PRKCE: variants seen among roughly 807,000 people sequenced by gnomAD.
PRKCE encodes the protein protein kinase C epsilon type.
PRKCE carries 16 observed loss-of-function variants against 85.4 expected under a neutral mutation model. The ratio of observed to expected loss-of-function variants is 0.19; its 90% confidence interval spans 0.13 to 0.28. The LOEUF (loss-of-function observed/expected upper bound fraction) is 0.28. Among genes scored for constraint, PRKCE ranks in the 10% least tolerant of loss-of-function variants. The pLI, the probability that PRKCE is intolerant of heterozygous loss-of-function variation, is 1.00. For synonymous variants in PRKCE, 388 were observed against 371.5 expected, an observed-to-expected ratio of 1.04 and a Z score of -0.51; for missense variants, 573 against 975.2, an observed-to-expected ratio of 0.59 and a Z score of 5.49.
Position 46,114,531 on chromosome 2 carries a change from C to T in PRKCE, c.1592+28169C>T, listed in dbSNP as rs191533947. 1.1e-3 allele frequency among the ~76,000 whole-genome samples: 172 copies of T among 150,410 alleles called. No individual in the cohort carries two copies. The East Asian group carries it at 0.013, about 11-fold the overall frequency. The stretch of plus-strand genomic sequence containing the variant: ...CTCCCAGGTTCACGCCATTCTCCCG[C>T]GTCAGCCTCCTGAGTAGCTGGGACT... On this transcript the variant is annotated intron_variant, in intron 11 of 14. Coordinates refer to ENST00000306156, the MANE Select transcript of PRKCE (RefSeq NM_005400.3).
At chr2:46,022,905 A>T (rs1325868174) in intron 10 of PRKCE, among the ~76,000 whole-genome samples, 1 of 151,358 alleles carries the variant, frequency 6.6e-6, no homozygotes, top group Non-Finnish European at 1.5e-5. Context: ...AACAAGGTGA[A>T]ATCCCGTCTC....
Position 45,703,298 on chromosome 2 carries a change from C to G in PRKCE, c.348+50850C>G, listed in dbSNP as rs577739850. Among the ~76,000 whole-genome samples the G allele has an allele frequency of 2.6e-5, 4 of 151,952 alleles. 1 individual carries two copies. In the South Asian group the frequency reaches 8.3e-4, roughly 32 times the overall value. On this transcript the variant is annotated intron_variant, in intron 1 of 14. Transcript: ENST00000306156. ...ATCTGTATTCCTAGCACTTTGGGAGCCTGAGGCAGGAGGATCACTTGAGGC... is the reference window on the plus strand; with the variant it reads ...ATCTGTATTCCTAGCACTTTGGGAGGCTGAGGCAGGAGGATCACTTGAGGC...
intron 1 of PRKCE, among the ~76,000 whole-genome samples, chr2:45,809,658 C>T (rs1055674739): frequency 8.6e-5 from 13 of 150,592 alleles, no homozygotes; most frequent in African/African-American, 2.9e-4. Context: ...CTGAGGTGGG[C>T]GGATCACCTG....
At chr2:46,085,736 G>GTTTTTTTTTTCT (rs1669546078) in intron 10 of PRKCE, among the ~76,000 whole-genome samples, 2 of 104,564 alleles carry the variant, frequency 1.9e-5, no homozygotes, top group African/African-American at 4.4e-5. Context: ...TGCAAAATCC[G>GTTTTTTTTTTCT]TTTTTTTTTT....
At chr2:45,950,033 A>G (rs1040484195) in intron 2 of PRKCE, among the ~76,000 whole-genome samples, 5 of 152,176 alleles carry the variant, frequency 3.3e-5, no homozygotes, top group African/African-American at 1.2e-4. Context: ...TTGAAAATGC[A>G]TTAATTTTTG....
At chr2:45,713,106 T>A (rs1003559166) in intron 1 of PRKCE, among the ~76,000 whole-genome samples, 1 of 152,212 alleles carries the variant, frequency 6.6e-6, no homozygotes, top group Non-Finnish European at 1.5e-5. Flanking sequence ...CTTATCTCCC[T>A]GGGCCTCAGT....
At chr2:45,962,198 G>A (rs1701430121) in intron 2 of PRKCE, among the ~76,000 whole-genome samples, 1 of 152,192 alleles carries the variant, frequency 6.6e-6, no homozygotes, top group African/African-American at 2.4e-5. Context: ...GCAAGGTGTA[G>A]GATGGAAGGT....
At chr2:45,839,370 G>A (rs1691162988) in intron 1 of PRKCE, among the ~76,000 whole-genome samples, 5 of 97,536 alleles carry the variant, frequency 5.1e-5, no homozygotes, top group Non-Finnish European at 1.1e-4. Flanking sequence ...TGGAGGGGTA[G>A]CCAAGGCACC....
In PRKCE at chr2:46,047,235, A is replaced by G. The variant is rs1708580985; in HGVS notation, c.1437+36718A>G. Among the ~76,000 whole-genome samples, 6 of 152,104 alleles carry G rather than the reference A, an allele frequency of 3.9e-5. No homozygotes were observed. In the South Asian group the frequency reaches 1.2e-3, roughly 32 times the overall value. On this transcript the variant is annotated intron_variant, in intron 10 of 14. Coordinates refer to ENST00000306156, the MANE Select transcript of PRKCE (RefSeq NM_005400.3). The stretch of plus-strand genomic sequence containing the variant: ...TTCATTGAACTGCCCTCCTTGTCTG[A>G]TACCTCCTTGCTAAACTCATTAGAA...
Position 46,041,119 on chromosome 2 carries a change from C to T in PRKCE, c.1437+30602C>T, listed in dbSNP as rs192708630. Among the ~76,000 whole-genome samples the T allele has an allele frequency of 2.0e-3, 308 of 152,296 alleles. No individual in the cohort carries two copies. Among genetic ancestry groups the T allele is most frequent in the African/African-American group, 6.9e-3 (288 of 41,554 alleles). On this transcript the variant is annotated intron_variant, in intron 10 of 14. Coordinates refer to ENST00000306156, the MANE Select transcript of PRKCE (RefSeq NM_005400.3). The surrounding 1 kb of genome is among the most constrained non-coding windows in gnomAD (Gnocchi z 5.5). ...TTCATTTCATAAGTAGGTTTGGATTCGGCAGGTCTTCAAGTTCACAGCAGG... is the reference window on the plus strand; with the variant it reads ...TTCATTTCATAAGTAGGTTTGGATTTGGCAGGTCTTCAAGTTCACAGCAGG...
intron 2 of PRKCE, among the ~76,000 whole-genome samples, chr2:45,857,555 T>G (rs1171629948): frequency 6.6e-6 from 1 of 152,126 alleles, no homozygotes; most frequent in African/African-American, 2.4e-5. Context: ...TTCTAATTCA[T>G]TGTTTCGATG....
intron 2 of PRKCE, among the ~76,000 whole-genome samples, chr2:45,876,670 G>A (rs893609002): frequency 4.6e-5 from 7 of 152,148 alleles, no homozygotes; most frequent in African/African-American, 9.7e-5. Context: ...CCACTGCTGC[G>A]CCTTTGCAGT....
chr2:45,959,773 G>A (rs1305982578), intron 2 of PRKCE, among the ~76,000 whole-genome samples: 1 of 152,208 alleles, frequency 6.6e-6, no homozygotes, highest in African/African-American at 2.4e-5. Context: ...AATTCTGCAT[G>A]AAACAGCCAG....
rs1674055472 is a variant in PRKCE, at chr2:46,128,190, G to T, written c.1593-16903G>T. On this transcript the variant is annotated intron_variant, in intron 11 of 14. Transcript: ENST00000306156. The stretch of plus-strand genomic sequence containing the variant: ...TGTTATTGTCATTTGCCATTGTGTT[G>T]TTCCCTTCCAGCATCACTTGTAATG... Among the ~76,000 whole-genome samples, 4 of 151,892 alleles carry T rather than the reference G, an allele frequency of 2.6e-5. No homozygotes were observed. The South Asian group carries it at 8.3e-4, about 32-fold the overall frequency.
intron 14 of PRKCE, among the ~76,000 whole-genome samples, chr2:46,172,970 C>G (rs543248057): frequency 2.4e-4 from 37 of 152,308 alleles, no homozygotes; most frequent in African/African-American, 8.7e-4. Context: ...CTTGGAGAAT[C>G]TGATACAGTA....
At position 45,895,965 on chromosome 2, in the gene PRKCE, G is replaced by A. The variant is rs912012162; in HGVS notation, c.412+52902G>A. On this transcript the variant is annotated intron_variant, in intron 2 of 14. Transcript: ENST00000306156. This position sits in a 1 kb window ranked among gnomAD's most constrained non-coding sequence, Gnocchi z 4.8. ...ACGAGGAAGGCCTCAGATGAAGGAG[G>A]GCACTTCAGGTAGAGCGTGGGCACT... 6.6e-6 allele frequency among the ~76,000 whole-genome samples: 1 copy of A among 152,142 alleles called. No individual in the cohort carries two copies. The highest frequency in any genetic ancestry group is 2.4e-5 in the African/African-American group (1 of 41,426).
At position 45,927,774 on chromosome 2, in the gene PRKCE, A is replaced by G. The variant is rs13007835; in HGVS notation, c.413-48655A>G. ...AATAGATAAACACATAATTGCTAGCAGCTGATGTGTGCTGAGAAAAAAAAA... is the reference window on the plus strand; with the variant it reads ...AATAGATAAACACATAATTGCTAGCGGCTGATGTGTGCTGAGAAAAAAAAA... On this transcript the variant is annotated intron_variant, in intron 2 of 14. Coordinates refer to ENST00000306156, the MANE Select transcript of PRKCE (RefSeq NM_005400.3). Among the ~76,000 whole-genome samples, 5 of 152,278 alleles carry G rather than the reference A, an allele frequency of 3.3e-5. No homozygotes were observed. The South Asian group carries it at 1.0e-3, about 32-fold the overall frequency.
intron 1 of PRKCE, among the ~76,000 whole-genome samples, chr2:45,688,831 CT>C (rs2104026259): frequency 6.6e-6 from 1 of 152,364 alleles, no homozygotes; most frequent in African/African-American, 2.4e-5. Context: ...ACTGCAAGTG[CT>C]CCTTGTCCTT....
chr2:45,923,681 G>A (rs771892346), intron 2 of PRKCE, among the ~76,000 whole-genome samples: 3 of 152,212 alleles, frequency 2.0e-5, no homozygotes, highest in African/African-American at 2.4e-5. Context: ...GTGCTGACTT[G>A]TGCAGCACAG....
Sources: allele counts gnomAD v4.1 joint callset (sites outside exome capture counted in the v4.1 genomes callset), GRCh38; gene constraint gnomAD v4.1.1; non-coding constraint Gnocchi (gnomAD v3.1); transcripts MANE v1.5; gene names NCBI Gene and HGNC (gene_info 2026-07-23, HGNC 2026-07-21).